SCP2: variants seen among roughly 807,000 people sequenced by gnomAD.
SCP2 encodes the protein SCP-2/3-oxoacyl-CoA thiolase.
A neutral mutation model predicts 71.4 loss-of-function variants in SCP2; 48 were observed. The ratio of observed to expected loss-of-function variants is 0.67; its 90% CI spans 0.53 to 0.86. The LOEUF (loss-of-function observed/expected upper bound fraction) is 0.86. Among genes scored for constraint, SCP2 ranks in the 40% least tolerant of loss-of-function variants. The probability of loss-of-function intolerance (pLI) is 0.00; values close to 1 mark genes in which losing one functional copy is unlikely to be tolerated. For synonymous variants in SCP2, 220 were observed against 218.1 expected (o/e 1.01, Z -0.08); for missense variants, 560 against 655.6 (o/e 0.85, Z 1.59).
chr1:53,039,119 T>A, intron 14 of SCP2, 73 bp downstream of exon 14: 1 of 1,554,864 alleles, frequency 6.4e-7, no homozygotes, highest in Non-Finnish European at 8.9e-7. Flanking sequence ...AAAATGGGGG[T>A]CTGCTTTACT....
rs914812243 is a variant in SCP2, at chr1:53,012,977, T to A, written c.1082-1913T>A. On this transcript the variant is annotated intron_variant, in intron 11 of 15. Coordinates refer to ENST00000371514, the MANE Select transcript of SCP2 (RefSeq NM_002979.5). ...CTTTTTTGTCTTACATATTCATTTATAAAGGCAGATTTCCAGTAAAACTGA... is the reference window on the plus strand; with the variant it reads ...CTTTTTTGTCTTACATATTCATTTAAAAAGGCAGATTTCCAGTAAAACTGA... Among the ~76,000 whole-genome samples, 5 of 152,336 alleles carry A rather than the reference T, an allele frequency of 3.3e-5. No homozygotes were observed. The East Asian group carries it at 7.7e-4, about 23-fold the overall frequency.
rs41294746 is a variant in SCP2 at position 53,051,056 on chromosome 1, C to T, written c.*352C>T. 68 of 179,542 alleles carry T rather than the reference C, an allele frequency of 3.8e-4. No homozygotes were observed. The highest frequency in any genetic ancestry group is 7.1e-4 in the Non-Finnish European group (60 of 84,092). The allele number at this position is 179,542 out of a possible 1,614,324, so 11.1% of individuals were successfully genotyped here. On this transcript the variant is annotated 3_prime_UTR_variant, in exon 16 of 16. Coordinates refer to ENST00000371514, the MANE Select transcript of SCP2 (RefSeq NM_002979.5). ...TTACAAAGTATATTTAAGGATTATT[C>T]TGCTGAAGATTCAGTTTAAGAGTTT...
At chr1:52,943,803 G>T in intron 2 of SCP2, 1 of 455,540 alleles carries the variant, frequency 2.2e-6, no homozygotes, top group Non-Finnish European at 4.4e-6. Context: ...ACAGTACCAG[G>T]CCTGTAATGA....
chr1:52,945,229 C>T (rs2150117344), intron 2 of SCP2, among the ~76,000 whole-genome samples: 1 of 152,120 alleles, frequency 6.6e-6, no homozygotes, highest in South Asian at 2.1e-4. Flanking sequence ...CACTATGCTG[C>T]CCAGGCTGGA....
At chr1:53,045,926 T>G (rs1663779133) in intron 14 of SCP2, among the ~76,000 whole-genome samples, 1 of 151,240 alleles carries the variant, frequency 6.6e-6, no homozygotes, top group Middle Eastern at 3.2e-3. Flanking sequence ...CCTTAGGAAG[T>G]CATACACATG....
rs574816825 is a variant in SCP2 at position 53,015,701 on chromosome 1, G to T, written c.1235+658G>T. ...TCCATTGACTCCTTTCCCTCTGTCA[G>T]CATACATGTTCAGGTCTTCCCTTAG... On this transcript the variant is annotated intron_variant, in intron 12 of 15. Coordinates refer to ENST00000371514, the MANE Select transcript of SCP2 (RefSeq NM_002979.5). Among the ~76,000 whole-genome samples, 4 of 152,236 alleles carry T rather than the reference G, an allele frequency of 2.6e-5. No homozygotes were observed. In the East Asian group the frequency reaches 7.7e-4, roughly 29 times the overall value.
At chr1:52,961,459 C>T (rs1656437762) in intron 5 of SCP2, 44 bp from the exon 6 acceptor site, 1 of 1,606,426 alleles carries the variant, frequency 6.2e-7, no homozygotes, top group African/African-American at 1.3e-5. Context: ...GAAAGAGACA[C>T]TTATCATGTC....
rs762706193 is a variant in SCP2 at position 52,965,033 on chromosome 1, A to AAAC, written c.523+3416_523+3418dup. 1.5e-4 allele frequency among the ~76,000 whole-genome samples: 23 copies of AAAC among 148,398 alleles called. 1 individual carries two copies. Among genetic ancestry groups the AAAC allele is most frequent in the Admixed American group, 1.4e-3 (21 of 14,864 alleles). Reference sequence around the variant, plus strand: ...CTCAAAAACAAACAAACAAACAAACAAACAACAACAACAAAATTAATTTAA... The same window carrying AAAC: ...CTCAAAAACAAACAAACAAACAAACAAACAACAACAACAACAAAATTAATTTAA... On this transcript the variant is annotated intron_variant, in intron 6 of 15. Transcript: ENST00000371514.
intron 1 of SCP2, among the ~76,000 whole-genome samples, chr1:52,938,655 G>C (rs541433227): frequency 1.3e-5 from 2 of 152,168 alleles, no homozygotes; most frequent in East Asian, 3.9e-4. Context: ...AGAAATTTTA[G>C]GTTTACAGCA....
intron 11 of SCP2, among the ~76,000 whole-genome samples, chr1:53,002,361 A>T (rs1462721199): frequency 1.3e-5 from 2 of 152,238 alleles, no homozygotes; most frequent in Admixed American, 1.3e-4. Context: ...AGAACGTGGC[A>T]TGGAGCAAAG....
At chr1:52,941,024 C>T (rs1654185743) in intron 1 of SCP2, among the ~76,000 whole-genome samples, 1 of 152,238 alleles carries the variant, frequency 6.6e-6, no homozygotes, top group Non-Finnish European at 1.5e-5. Context: ...GCTGGGATTA[C>T]AGGCGGGAGC....
chr1:52,938,939 G>A (rs1355641871), intron 1 of SCP2, among the ~76,000 whole-genome samples: 1 of 152,146 alleles, frequency 6.6e-6, no homozygotes, highest in Non-Finnish European at 1.5e-5. Flanking sequence ...AATCCTCTGT[G>A]TTCCACATAT....
intron 14 of SCP2, among the ~76,000 whole-genome samples, chr1:53,044,654 C>T (rs1341309642): frequency 1.3e-5 from 2 of 152,122 alleles, no homozygotes; most frequent in East Asian, 1.9e-4. Context: ...TAGGGAGAGG[C>T]CAGCTTTAAT....
chr1:53,024,574 T>C lies in SCP2; in HGVS notation c.1236-3395T>C, dbSNP rs1328061504. ...TGCTACATTTCTTTCTTTCTTTTTTTTTCTTTTTTTTTTTGAGATGGAGTC... is the reference window on the plus strand; with the variant it reads ...TGCTACATTTCTTTCTTTCTTTTTTCTTCTTTTTTTTTTTGAGATGGAGTC... On this transcript the variant is annotated intron_variant, in intron 12 of 15. Coordinates refer to ENST00000371514, the MANE Select transcript of SCP2 (RefSeq NM_002979.5). 9.8e-5 allele frequency among the ~76,000 whole-genome samples: 14 copies of C among 143,270 alleles called. No individual in the cohort carries two copies. The East Asian group carries it at 1.9e-3, about 20-fold the overall frequency. 94.0% of individuals were successfully genotyped at this position (143,270 alleles called of 152,430 possible). A position where few individuals can be genotyped will look rare whatever the true frequency, so the allele number is the denominator to read the frequency against.
At chr1:53,013,593 T>A (rs999031128) in intron 11 of SCP2, among the ~76,000 whole-genome samples, 1 of 152,068 alleles carries the variant, frequency 6.6e-6, no homozygotes, top group African/African-American at 2.4e-5. Flanking sequence ...AGACTCTGTC[T>A]CAAACATAAT....
At position 52,976,691 on chromosome 1, in the gene SCP2, A is replaced by G. The variant is rs781203795; in HGVS notation, c.596A>G (p.Gln199Arg). Reference sequence around the variant, plus strand: ...ATTTATTTTGTATTTAGGTATTCCCAGTTCCAAGATGAATACAGTTTAGAT... The same window carrying G: ...ATTTATTTTGTATTTAGGTATTCCCGGTTCCAAGATGAATACAGTTTAGAT... Reference protein sequence around the residue: ...HKHSVNNPYSQFQDEYSLDEV... With the variant: ...HKHSVNNPYSRFQDEYSLDEV... The change falls in exon 8 of 16, where the codon CAG (glutamine) becomes CGG (arginine). Residue 199 changes from glutamine to arginine, a missense_variant. Around this residue, in one of 3 missense-constraint regions of SCP2, gnomAD observed 513 missense variants for 573.1 expected, o/e 0.90. Transcript: ENST00000371514. 6.5e-7 allele frequency: 1 copy of G among 1,531,272 alleles called. No homozygotes were observed. 94.9% of individuals were successfully genotyped at this position (1,531,272 alleles called of 1,614,324 possible).
At chr1:53,049,047 C>A (rs1255298929) in intron 15 of SCP2, 1 of 152,204 alleles carries the variant, frequency 6.6e-6, no homozygotes, top group East Asian at 1.9e-4. Context: ...GATGCCATGA[C>A]AAGTGAGAAA....
At chr1:52,950,363 G>T (rs1466375750) in intron 3 of SCP2, among the ~76,000 whole-genome samples, 1 of 152,118 alleles carries the variant, frequency 6.6e-6, no homozygotes, top group Non-Finnish European at 1.5e-5. Context: ...CGCGTGATCT[G>T]CCCGCCTCGG....
At chr1:53,013,882 CTTTTTTTTT>C (rs71044449) in intron 11 of SCP2, among the ~76,000 whole-genome samples, 73 of 63,064 alleles carry the variant, frequency 1.2e-3, no homozygotes, top group Admixed American at 4.9e-3. Flanking sequence ...ATAGAACATT[CTTTTTTTTT>C]TTTTTTTTTT....
Sources: allele counts gnomAD v4.1 joint callset (sites outside exome capture counted in the v4.1 genomes callset), GRCh38; gene constraint gnomAD v4.1.1; regional missense constraint gnomAD v4.1.1; transcripts MANE v1.5; gene names NCBI Gene and HGNC (gene_info 2026-07-23, HGNC 2026-07-21).